Variants in CACNA2D3 observed in about 807,000 individuals in gnomAD.
CACNA2D3 encodes the protein calcium voltage-gated channel auxiliary subunit alpha2delta 3, also known as voltage-dependent calcium channel subunit alpha-2/delta-3.
A neutral mutation model predicts 160.6 loss-of-function variants in CACNA2D3; 60 were observed. That is an observed-to-expected ratio of 0.37 (90% CI 0.30 to 0.46). The LOEUF is 0.46. CACNA2D3 is among the 20% of genes least tolerant of loss of function. CACNA2D3 has a pLI of 1.00. For missense variants in CACNA2D3, 1,205 were observed against 1,365.0 expected, an observed-to-expected ratio of 0.88 and a Z score of 1.85; for synonymous variants, 558 against 492.9, an observed-to-expected ratio of 1.13 and a Z score of -1.75.
At chr3:55,020,374 G>A (rs1282034989) in intron 35 of CACNA2D3, among the ~76,000 whole-genome samples, 1 of 146,850 alleles carries the variant, frequency 6.8e-6, no homozygotes, top group Non-Finnish European at 1.5e-5. Flanking sequence ...TATATTTTGT[G>A]ATTCTATTTT....
At chr3:54,871,505 G>T in intron 17 of CACNA2D3, 34 bp from the exon 18 acceptor site, 1 of 1,554,252 alleles carries the variant, frequency 6.4e-7, no homozygotes, top group Non-Finnish European at 8.9e-7. Flanking sequence ...ACGGACTTTT[G>T]TTTTTCTTTT....
Position 54,837,156 on chromosome 3 carries a change from C to T in CACNA2D3, c.1399-3C>T, listed in dbSNP as rs1440521780. The T allele has an allele frequency of 6.2e-7, 1 of 1,613,780 alleles. No individual in the cohort carries two copies. Among genetic ancestry groups the T allele is most frequent in the Non-Finnish European group, 8.5e-7 (1 of 1,179,728 alleles). On this transcript the variant is annotated splice_region_variant and splice_polypyrimidine_tract_variant and intron_variant, in intron 14 of 37. Coordinates refer to ENST00000474759, the MANE Select transcript of CACNA2D3 (RefSeq NM_018398.3). ...CGGTAACTGGCTTTTCTCTTCCATC[C>T]AGCTGACTGATGATCAGGGCCCCGT...
chr3:54,797,144 A>T (rs1297582177), intron 13 of CACNA2D3, among the ~76,000 whole-genome samples: 2 of 152,218 alleles, frequency 1.3e-5, no homozygotes, highest in African/African-American at 2.4e-5. Flanking sequence ...AGCCATTGGT[A>T]AATTTACACT....
intron 35 of CACNA2D3, among the ~76,000 whole-genome samples, chr3:55,062,778 G>T (rs1414646418): frequency 6.6e-6 from 1 of 152,148 alleles, no homozygotes; most frequent in Non-Finnish European, 1.5e-5. Flanking sequence ...GACATTTACG[G>T]AAGTCTCTTA....
At chr3:54,323,687 C>T (rs557920837) in intron 3 of CACNA2D3, among the ~76,000 whole-genome samples, 3 of 152,108 alleles carry the variant, frequency 2.0e-5, no homozygotes, top group Non-Finnish European at 2.9e-5. Context: ...AGGATGGTCT[C>T]GATCTCCTGA....
rs535131391 is a variant in CACNA2D3, at chr3:54,300,752, C to T, written c.205-19690C>T. On this transcript the variant is annotated intron_variant, in intron 2 of 37. Coordinates refer to ENST00000474759, the MANE Select transcript of CACNA2D3 (RefSeq NM_018398.3). Reference sequence around the variant, plus strand: ...TAACCATGCTGGGTGTGGTGGCTAACATCTGTAATCCAAGCACTTTGGAAG... The same window carrying T: ...TAACCATGCTGGGTGTGGTGGCTAATATCTGTAATCCAAGCACTTTGGAAG... 3.3e-5 allele frequency among the ~76,000 whole-genome samples: 5 copies of T among 152,220 alleles called. No homozygotes were observed. The South Asian group carries it at 8.3e-4, about 25-fold the overall frequency.
chr3:54,415,690 C>T (rs552958770), intron 4 of CACNA2D3, among the ~76,000 whole-genome samples: 48 of 152,240 alleles, frequency 3.2e-4, no homozygotes, highest in African/African-American at 1.1e-3. Context: ...TTATTCTTCT[C>T]CCTATAATCC....
At chr3:54,359,949 G>A (rs1209740861) in intron 3 of CACNA2D3, among the ~76,000 whole-genome samples, 1 of 152,178 alleles carries the variant, frequency 6.6e-6, no homozygotes, top group African/African-American at 2.4e-5. Flanking sequence ...GGTGGAGGAT[G>A]TACTAGGTGA....
chr3:54,436,467 T>A (rs6445660), intron 4 of CACNA2D3, among the ~76,000 whole-genome samples: 121,648 of 152,178 alleles, frequency 0.8, 48,943 homozygotes, highest in African/African-American at 0.89. Flanking sequence ...TACTATAAAG[T>A]CACATGCACA....
chr3:54,975,969 T>G (rs984191421), intron 29 of CACNA2D3, among the ~76,000 whole-genome samples: 1 of 152,090 alleles, frequency 6.6e-6, no homozygotes, highest in Non-Finnish European at 1.5e-5. Context: ...CTGCCATTTG[T>G]TGTGGTTTCC....
At chr3:54,795,997 A>G (rs1702858855) in intron 13 of CACNA2D3, among the ~76,000 whole-genome samples, 1 of 152,226 alleles carries the variant, frequency 6.6e-6, no homozygotes, top group African/African-American at 2.4e-5. Flanking sequence ...GTAGTTTGAG[A>G]GAATCAGCAA....
chr3:54,290,002 G>C (rs1242184556), intron 2 of CACNA2D3, among the ~76,000 whole-genome samples: 1 of 151,298 alleles, frequency 6.6e-6, no homozygotes, highest in South Asian at 2.1e-4. Context: ...GCATGGGCAA[G>C]GACTTCATGT....
intron 4 of CACNA2D3, among the ~76,000 whole-genome samples, chr3:54,475,803 T>C (rs535250939): frequency 5.3e-5 from 1 of 18,698 alleles, no homozygotes; most frequent in South Asian, 2.4e-3. Context: ...CTCACATGGT[T>C]ACCATTTGTG....
intron 5 of CACNA2D3, among the ~76,000 whole-genome samples, chr3:54,525,061 AAGAAAGATGT>A (rs1701704483): frequency 6.6e-6 from 1 of 152,136 alleles, no homozygotes; most frequent in Non-Finnish European, 1.5e-5. Flanking sequence ...TAGTATACTA[AAGAAAGATGT>A]AGTACGTCAT....
At chr3:54,294,926 T>C (rs1469203236) in intron 2 of CACNA2D3, among the ~76,000 whole-genome samples, 1 of 151,880 alleles carries the variant, frequency 6.6e-6, no homozygotes, top group African/African-American at 2.4e-5. Flanking sequence ...TCTCCTAGTT[T>C]GAGTGAAGCT....
At chr3:54,731,407 TAA>T (rs1242849101) in intron 11 of CACNA2D3, among the ~76,000 whole-genome samples, 6 of 152,200 alleles carry the variant, frequency 3.9e-5, no homozygotes, top group African/African-American at 1.4e-4. Context: ...GAGCTGTTTT[TAA>T]AGACTCTATG....
At chr3:54,346,918 T>TA (rs752054569) in intron 3 of CACNA2D3, among the ~76,000 whole-genome samples, 3 of 152,232 alleles carry the variant, frequency 2.0e-5, no homozygotes, top group Non-Finnish European at 4.4e-5. Flanking sequence ...GTGCACAACA[T>TA]AAAGTTTACC....
chr3:54,759,104 C>G (rs1300039382), intron 12 of CACNA2D3, among the ~76,000 whole-genome samples: 1 of 152,252 alleles, frequency 6.6e-6, no homozygotes. Context: ...ATTTGTAACC[C>G]AGAGTTCACA....
At chr3:54,197,009 T>A (rs1454308118) in intron 2 of CACNA2D3, among the ~76,000 whole-genome samples, 1 of 152,232 alleles carries the variant, frequency 6.6e-6, no homozygotes, top group Non-Finnish European at 1.5e-5. Context: ...GGACTTTTAG[T>A]AAACAATTTT....
Sources: allele counts gnomAD v4.1 joint callset (sites outside exome capture counted in the v4.1 genomes callset), GRCh38; gene constraint gnomAD v4.1.1; transcripts MANE v1.5; gene names NCBI Gene and HGNC (gene_info 2026-07-23, HGNC 2026-07-21).